Variants in USP28 observed in about 807,000 individuals in gnomAD.
The protein encoded by USP28 is ubiquitin carboxyl-terminal hydrolase 28.
USP28 carries 113 observed loss-of-function variants against 145.0 expected under a neutral mutation model. The ratio of observed to expected loss-of-function variants is 0.78; its 90% CI spans 0.67 to 0.91. The LOEUF is 0.91. Ranked by LOEUF, USP28 falls within the 40% of genes least tolerant of loss-of-function variation. The pLI is 0.00. For synonymous variants in USP28, 447 were observed against 450.9 expected (o/e 0.99, Z 0.11); for missense variants, 1,201 against 1,289.6 (o/e 0.93, Z 1.05).
At chr11:113,817,798 G>A in exon 13 of USP28, 1 of 1,614,178 alleles carries the variant, frequency 6.2e-7, no homozygotes, top group Non-Finnish European at 8.5e-7. Context: ...GCATGTCCGG[G>A]AGCGGGAACC....
intron 1 of USP28, among the ~76,000 whole-genome samples, chr11:113,858,216 T>C (rs946273263): frequency 1.3e-5 from 2 of 152,132 alleles, no homozygotes; most frequent in Non-Finnish European, 1.5e-5. Context: ...CTATGTAAAA[T>C]AATTTTGTAT....
chr11:113,867,710 G>A (rs933825790), intron 1 of USP28, among the ~76,000 whole-genome samples: 31 of 148,948 alleles, frequency 2.1e-4, no homozygotes, highest in African/African-American at 7.7e-4. Flanking sequence ...CTGCACTCCA[G>A]CCTGAGCAAC....
At chr11:113,859,481 T>C (rs1947414738) in intron 1 of USP28, 1 of 152,104 alleles carries the variant, frequency 6.6e-6, no homozygotes, top group Non-Finnish European at 1.5e-5. Context: ...GAGTATGGTA[T>C]GAATAACAAA....
At chr11:113,842,760 C>A (rs1037742651) in intron 3 of USP28, among the ~76,000 whole-genome samples, 2 of 151,810 alleles carry the variant, frequency 1.3e-5, no homozygotes, top group African/African-American at 4.8e-5. Flanking sequence ...AAACTCAAAG[C>A]CAACTAGGAA....
intron 12 of USP28, chr11:113,818,122 TA>T (rs1942030119): frequency 3.3e-6 from 1 of 305,594 alleles, no homozygotes. Context: ...ATATTACATT[TA>T]GGCTTTGGTC....
chr11:113,814,084 G>T, intron 14 of USP28, 129 bp from the exon 15 acceptor site: 1 of 640,940 alleles, frequency 1.6e-6, no homozygotes, highest in Non-Finnish European at 2.6e-6. Flanking sequence ...GAACCACGAA[G>T]CAATATACAG....
rs368807869 is a variant in USP28, at chr11:113,833,453, T to C, written c.726A>G (p.Leu242=). 26 of 1,614,214 alleles carry C rather than the reference T, an allele frequency of 1.6e-5. No homozygotes were observed. The African/African-American group carries it at 3.3e-4, about 21-fold the overall frequency. ...CCTCAGATGATCGGAATGCTCCCTT[T>C]AATAGATCCAGGGCTGCAGACGGGT... The change falls in exon 7 of 25, where the codon TTA becomes TTG. Residue 242 remains leucine, a synonymous_variant. Transcript: ENST00000003302.
intron 4 of USP28, among the ~76,000 whole-genome samples, chr11:113,841,089 A>G (rs1451754659): frequency 4.6e-5 from 7 of 152,214 alleles, no homozygotes. Context: ...CGAATAGGGC[A>G]GGAGAGACAC....
intron 1 of USP28, among the ~76,000 whole-genome samples, chr11:113,869,360 C>T (rs1487792307): frequency 3.9e-5 from 6 of 152,136 alleles, no homozygotes; most frequent in Admixed American, 3.9e-4. Context: ...ACCCGGAAGG[C>T]GGGGGTTACA....
intron 5 of USP28, among the ~76,000 whole-genome samples, chr11:113,840,301 C>T (rs1415275749): frequency 6.6e-6 from 1 of 150,754 alleles, no homozygotes; most frequent in Non-Finnish European, 1.5e-5. Flanking sequence ...ACCTGGATAG[C>T]TATGATAGCC....
chr11:113,843,956 C>T (rs1010783949), intron 3 of USP28, among the ~76,000 whole-genome samples: 34 of 152,092 alleles, frequency 2.2e-4, no homozygotes, highest in African/African-American at 8.0e-4. Context: ...CCTAGCCCCA[C>T]ATACAAAAAT....
chr11:113,832,143 T>C (rs1565413205), intron 7 of USP28, 150 bp from the exon 8 acceptor site: 1 of 689,142 alleles, frequency 1.5e-6, no homozygotes, highest in Non-Finnish European at 2.4e-6. Context: ...AGGGTCTCAC[T>C]CTGTCGCCCA....
intron 7 of USP28, among the ~76,000 whole-genome samples, chr11:113,832,874 G>C (rs140158622): frequency 6.6e-6 from 1 of 152,118 alleles, no homozygotes; most frequent in Non-Finnish European, 1.5e-5. Context: ...GGGTTCCAGG[G>C]ATCTTCCTGC....
rs148592744 is a variant in USP28 at position 113,806,536 on chromosome 11, C to T, written c.2353G>A (p.Ala785Thr). 2.9e-4 allele frequency: 465 copies of T among 1,606,544 alleles called. No homozygotes were observed. In the African/African-American group the frequency reaches 3.5e-3, roughly 12 times the overall value. ...CCATCTCGGTCAAAGGTCTGACGGG[C>T]TTTAGCTATGGCCAGGATGACCCCT... is the stretch of plus-strand genomic sequence containing the variant. The change falls in exon 19 of 25, where the codon GCC (alanine) becomes ACC (threonine). Residue 785 changes from alanine (A) to threonine (T), a missense_variant. Transcript: ENST00000003302.
chr11:113,867,184 G>A (rs1295944975), intron 1 of USP28, among the ~76,000 whole-genome samples: 2 of 152,116 alleles, frequency 1.3e-5, no homozygotes, highest in Non-Finnish European at 2.9e-5. Flanking sequence ...TTCTTTCAGG[G>A]TAATGAAAAT....
At chr11:113,839,753 G>C (rs765688444) in intron 5 of USP28, among the ~76,000 whole-genome samples, 2 of 152,128 alleles carry the variant, frequency 1.3e-5, no homozygotes, top group African/African-American at 4.8e-5. Context: ...GGCCAGGCGC[G>C]GTGGCTCACG....
At chr11:113,807,629 C>G (rs1940236717) in intron 18 of USP28, among the ~76,000 whole-genome samples, 1 of 152,046 alleles carries the variant, frequency 6.6e-6, no homozygotes, top group Non-Finnish European at 1.5e-5. Context: ...AAAAAAGATT[C>G]CCTATTTTAA....
chr11:113,854,054 T>C (rs1242593736), intron 2 of USP28, among the ~76,000 whole-genome samples: 5 of 152,210 alleles, frequency 3.3e-5, no homozygotes, highest in Admixed American at 3.3e-4. Flanking sequence ...ATCTCTTTTA[T>C]ACCCTGCAGG....
At chr11:113,811,709 TTTAG>T (rs1941018947) in intron 16 of USP28, among the ~76,000 whole-genome samples, 1 of 150,826 alleles carries the variant, frequency 6.6e-6, no homozygotes, top group East Asian at 1.9e-4. Context: ...AAAGAAAAAA[TTTAG>T]TTATTCTCCA....
Sources: allele counts gnomAD v4.1 joint callset (sites outside exome capture counted in the v4.1 genomes callset), GRCh38; gene constraint gnomAD v4.1.1; transcripts MANE v1.5; gene names NCBI Gene and HGNC (gene_info 2026-07-23, HGNC 2026-07-21).